RALGAPA1: variants seen among roughly 807,000 people sequenced by gnomAD.
RALGAPA1 encodes ral GTPase-activating protein subunit alpha-1.
In RALGAPA1, 52 loss-of-function variants were observed where a neutral mutation model predicts 269.6. That is an observed-to-expected ratio of 0.19 (90% CI 0.15 to 0.24). The LOEUF is 0.24. Among genes scored for constraint, RALGAPA1 ranks in the 10% least tolerant of loss-of-function variants. The pLI is 1.00. For missense variants in RALGAPA1, 1,917 were observed against 3,013.9 expected (o/e 0.64, Z 8.52); for synonymous variants, 817 against 1,008.3 (o/e 0.81, Z 3.60).
chr14:35,655,773 A>G (rs750677680), intron 29 of RALGAPA1, 34 bp downstream of exon 29: 68 of 1,603,338 alleles, frequency 4.2e-5, no homozygotes, highest in Non-Finnish European at 5.7e-5. Flanking sequence ...ATTCTCTCCT[A>G]TCTTAATATA....
Position 35,674,107 on chromosome 14 carries a change from C to T in RALGAPA1, c.4917+73G>A, listed in dbSNP as rs1001137306. 6 of 1,211,148 alleles carry T rather than the reference C, an allele frequency of 5.0e-6. No homozygotes were observed. In the African/African-American group the frequency reaches 6.1e-5, roughly 12 times the overall value. The allele number at this position is 1,211,148 out of a possible 1,614,324, so 75.0% of individuals were successfully genotyped here. A position where few individuals can be genotyped will look rare whatever the true frequency, so the allele number is the denominator to read the frequency against. On this transcript the variant is annotated intron_variant, in intron 24 of 41. Transcript: ENST00000680220. ...GTGCTCTAGAAGTCTATATAATAGC[C>T]AAAATCTCTATAAAAAGTTTAAGAT... is the stretch of plus-strand genomic sequence containing the variant.
rs1431231208 is a variant in RALGAPA1, at chr14:35,600,191, T to C, written c.7054-4402A>G. ...TCCCTGATGCTCTGTTCATTATTTT[T>C]AGGTTTCTTTTCTTTTCCTTTTTTT... On this transcript the variant is annotated intron_variant, in intron 36 of 41. Coordinates refer to ENST00000680220, the MANE Select transcript of RALGAPA1 (RefSeq NM_001346249.2). Among the ~76,000 whole-genome samples the C allele has an allele frequency of 2.0e-5, 3 of 151,068 alleles. No homozygotes were observed. In the East Asian group the frequency reaches 5.8e-4, roughly 29 times the overall value.
chr14:35,777,786 T>C (rs2075144507), intron 1 of RALGAPA1, among the ~76,000 whole-genome samples: 1 of 151,884 alleles, frequency 6.6e-6, no homozygotes, highest in East Asian at 1.9e-4. Context: ...TGACCTCAAG[T>C]GATCCGCCCG....
chr14:35,741,620 A>G (rs1220915573), intron 11 of RALGAPA1, among the ~76,000 whole-genome samples: 1 of 152,226 alleles, frequency 6.6e-6, no homozygotes, highest in Non-Finnish European at 1.5e-5. Flanking sequence ...ATCTAGATTT[A>G]GCAAGATATG....
Position 35,549,145 on chromosome 14 carries a change from G to C in RALGAPA1, c.7586C>G (p.Ser2529Cys). The change falls in exon 40 of 42, where the codon TCT becomes TGT. Residue 2529 changes from serine (S) to cysteine (C), a missense_variant. Ser to Cys is a moderately radical substitution (Grantham distance 112). Around this residue, in one of 11 missense-constraint regions of RALGAPA1, gnomAD observed 91 missense variants for 130.9 expected, o/e 0.70. Coordinates refer to ENST00000680220, the MANE Select transcript of RALGAPA1 (RefSeq NM_001346249.2). The stretch of plus-strand genomic sequence containing the variant: ...TGGTAAATGGTGGTAGGGAGCTGGA[G>C]AAAAAACCTGTGCTGCAAAATCTTC... ...TFEDFAAQVF[S>C]PAPYHHLPSD... 6.2e-7 allele frequency: 1 copy of C among 1,611,714 alleles called. No individual in the cohort carries two copies. The highest frequency in any genetic ancestry group is 2.0e-4 in the Middle Eastern group (1 of 4,988).
At chr14:35,593,652 A>C (rs905682359) in intron 37 of RALGAPA1, among the ~76,000 whole-genome samples, 2 of 152,074 alleles carry the variant, frequency 1.3e-5, no homozygotes, top group Non-Finnish European at 2.9e-5. Context: ...TGAGCTCAAA[A>C]GTTTGAGACC....
At chr14:35,642,696 G>A (rs1206175284) in intron 31 of RALGAPA1, among the ~76,000 whole-genome samples, 1 of 152,194 alleles carries the variant, frequency 6.6e-6, no homozygotes, top group Admixed American at 6.5e-5. Flanking sequence ...AACAGGTGCT[G>A]GAGAGGATGT....
intron 5 of RALGAPA1, 127 bp downstream of exon 5, chr14:35,762,579 CACTT>C: frequency 1.4e-6 from 1 of 726,942 alleles, no homozygotes; most frequent in Non-Finnish European, 2.5e-6. Context: ...TAAGGGAACT[CACTT>C]CAATTAAATA....
intron 37 of RALGAPA1, among the ~76,000 whole-genome samples, chr14:35,585,124 T>C (rs2058198043): frequency 6.6e-6 from 1 of 152,146 alleles, no homozygotes; most frequent in Non-Finnish European, 1.5e-5. Flanking sequence ...GAAGATGACA[T>C]AGCAATCTGT....
In RALGAPA1 at chr14:35,548,490, G is replaced by C; in HGVS notation, c.*23+18C>G. On this transcript the variant is annotated intron_variant, in intron 41 of 41. Transcript: ENST00000680220. Reference sequence around the variant, plus strand: ...TGGGAGAAGAACAGAGGGTGTTTTGGTTGACACTTTGTCTTACCTTCAGAT... The same window carrying C: ...TGGGAGAAGAACAGAGGGTGTTTTGCTTGACACTTTGTCTTACCTTCAGAT... 6.5e-7 allele frequency: 1 copy of C among 1,541,836 alleles called. No homozygotes were observed. Among genetic ancestry groups the C allele is most frequent in the Non-Finnish European group, 8.8e-7 (1 of 1,141,484 alleles).
In RALGAPA1 at chr14:35,689,447, C is replaced by T. The variant is rs1326356959; in HGVS notation, c.2964G>A (p.Gln988=). Residue 988 remains glutamine, a synonymous_variant, in exon 18 of 42, where the codon CAG becomes CAA. Transcript: ENST00000680220. ...AGGTGATATTTTCTGATTCAGTTTC[C>T]TGATCTGTGCATTCTAATTTATCTA... ...LSLDKLECTD[Q]ETESENITSF... 4 of 1,232,378 alleles carry T rather than the reference C, an allele frequency of 3.2e-6. No homozygotes were observed. 76.3% of individuals were successfully genotyped at this position (1,232,378 alleles called of 1,614,324 possible). A position where few individuals can be genotyped will look rare whatever the true frequency, so the allele number is the denominator to read the frequency against.
At chr14:35,603,516 A>T (rs964784720) in intron 36 of RALGAPA1, among the ~76,000 whole-genome samples, 1 of 152,180 alleles carries the variant, frequency 6.6e-6, no homozygotes, top group Non-Finnish European at 1.5e-5. Context: ...AAGAAAAGGA[A>T]ATCAGTATAT....
Position 35,539,336 on chromosome 14 carries a change from T to C in RALGAPA1, c.*378A>G, listed in dbSNP as rs1462571562. The C allele has an allele frequency of 3.3e-6, 2 of 611,504 alleles. No homozygotes were observed. The highest frequency in any genetic ancestry group is 1.9e-5 in the African/African-American group (1 of 52,172). The allele number at this position is 611,504 out of a possible 1,614,324, so 37.9% of individuals were successfully genotyped here. On this transcript the variant is annotated 3_prime_UTR_variant, in exon 42 of 42. Coordinates refer to ENST00000680220, the MANE Select transcript of RALGAPA1 (RefSeq NM_001346249.2). ...TGCCCTCAAAATATGGCAGCTTGGA[T>C]TGTGGGAAAAAAAATGAAACAATAA...
At chr14:35,620,487 A>C (rs1467300013) in intron 35 of RALGAPA1, among the ~76,000 whole-genome samples, 2 of 152,128 alleles carry the variant, frequency 1.3e-5, no homozygotes, top group African/African-American at 4.8e-5. Flanking sequence ...CTCCTATTCA[A>C]CATAGTGTTG....
chr14:35,584,858 A>G (rs1669724516), intron 37 of RALGAPA1, among the ~76,000 whole-genome samples: 1 of 152,212 alleles, frequency 6.6e-6, no homozygotes, highest in African/African-American at 2.4e-5. Flanking sequence ...CAACTATATT[A>G]ATAATCACTT....
At chr14:35,748,055 T>C (rs1301748094) in intron 10 of RALGAPA1, among the ~76,000 whole-genome samples, 4 of 152,048 alleles carry the variant, frequency 2.6e-5, no homozygotes, top group African/African-American at 9.7e-5. Context: ...GAAGATAAAA[T>C]AATTTTACCA....
At chr14:35,686,802 C>G (rs1444779242) in intron 18 of RALGAPA1, 136 bp from the exon 19 acceptor site, 1 of 478,844 alleles carries the variant, frequency 2.1e-6, no homozygotes, top group East Asian at 3.3e-5. Context: ...AATTTCCCTT[C>G]TTTCAGATTT....
chr14:35,541,673 G>A (rs1047465223), intron 41 of RALGAPA1: 1 of 455,272 alleles, frequency 2.2e-6, no homozygotes, highest in Non-Finnish European at 4.4e-6. Context: ...AGCAGTAGTA[G>A]CTCATGCTTT....
chr14:35,584,346 C>T (rs2058138806), intron 37 of RALGAPA1, among the ~76,000 whole-genome samples: 1 of 152,122 alleles, frequency 6.6e-6, no homozygotes, highest in Admixed American at 6.6e-5. Flanking sequence ...CCACTGCAGC[C>T]TCAACTTCCC....
Sources: gnomAD v4.1 joint callset for allele counts (sites outside exome capture counted in the v4.1 genomes callset) on GRCh38, gnomAD v4.1.1 for gene constraint, gnomAD v4.1.1 regional missense constraint, MANE v1.5 for transcripts, NCBI Gene and HGNC (gene_info 2026-07-23, HGNC 2026-07-21) for gene names.